The following IGF1R variants were observed in gnomAD, a reference collection of about 807,000 sequenced individuals.
The protein encoded by IGF1R is insulin-like growth factor 1 receptor.
In IGF1R, 44 loss-of-function variants were observed where a neutral mutation model predicts 144.6. The observed-to-expected ratio is 0.30, with a 90% confidence interval of 0.24 to 0.39. The LOEUF (loss-of-function observed/expected upper bound fraction) is 0.39. Ranked by LOEUF, IGF1R falls within the 10% of genes least tolerant of loss-of-function variation. The pLI is 1.00. For synonymous variants in IGF1R, 795 were observed against 722.8 expected, an observed-to-expected ratio of 1.10 and a Z score of -1.60; for missense variants, 1,355 against 1,833.7, an observed-to-expected ratio of 0.74 and a Z score of 4.77.
At chr15:98,686,670 A>ATTTTT (rs201014820) in intron 1 of IGF1R, among the ~76,000 whole-genome samples, 4 of 145,694 alleles carry the variant, frequency 2.7e-5, no homozygotes, top group African/African-American at 5.1e-5. Context: ...GAAGTATTTA[A>ATTTTT]TTTTTTTTTT....
At position 98,929,595 on chromosome 15, in the gene IGF1R, G is replaced by A. The variant is rs2151701437; in HGVS notation, c.2820G>A (p.Leu940=). The A allele has an allele frequency of 1.9e-6, 3 of 1,614,124 alleles. No homozygotes were observed. Among genetic ancestry groups the A allele is most frequent in the Non-Finnish European group, 2.5e-6 (3 of 1,179,994 alleles). ...YENFIHLIIA[L]PVAVLLIVGG... Reference sequence around the variant, plus strand: ...ACTTCATCCATCTGATCATCGCTCTGCCCGTCGCTGTCCTGTTGATCGTGG... The same window carrying A: ...ACTTCATCCATCTGATCATCGCTCTACCCGTCGCTGTCCTGTTGATCGTGG... Residue 940 remains leucine (L), a synonymous_variant, in exon 14 of 21, where the codon CTG becomes CTA. Coordinates refer to ENST00000650285, the MANE Select transcript of IGF1R (RefSeq NM_000875.5).
chr15:98,851,913 G>A (rs1291036765), intron 2 of IGF1R, among the ~76,000 whole-genome samples: 2 of 152,240 alleles, frequency 1.3e-5, no homozygotes, highest in Non-Finnish European at 2.9e-5. Context: ...CAAGGAAAGG[G>A]ACTAACGGGG....
At chr15:98,791,024 C>T (rs949615573) in intron 2 of IGF1R, among the ~76,000 whole-genome samples, 3 of 152,222 alleles carry the variant, frequency 2.0e-5, no homozygotes, top group Admixed American at 1.3e-4. Flanking sequence ...CCTAAGCCTT[C>T]ATTAGATTGA....
intron 1 of IGF1R, among the ~76,000 whole-genome samples, chr15:98,687,872 G>T (rs2053368653): frequency 6.8e-6 from 1 of 147,722 alleles, no homozygotes; most frequent in African/African-American, 2.7e-5. Flanking sequence ...TCCAGTGGAA[G>T]GCCGAAGTTA....
chr15:98,816,964 G>T (rs944857027), intron 2 of IGF1R, among the ~76,000 whole-genome samples: 2 of 152,146 alleles, frequency 1.3e-5, no homozygotes, highest in Non-Finnish European at 2.9e-5. Flanking sequence ...CAAACATTAG[G>T]CAGCTGTGGT....
chr15:98,650,746 T>G, intron 1 of IGF1R: 2 of 278,320 alleles, frequency 7.2e-6, no homozygotes, highest in Non-Finnish European at 1.1e-5. Context: ...GCCCTGGCCT[T>G]GGTTTTGTTG....
chr15:98,725,584 G>T (rs1395187500), intron 2 of IGF1R, among the ~76,000 whole-genome samples: 1 of 152,190 alleles, frequency 6.6e-6, no homozygotes, highest in Non-Finnish European at 1.5e-5. Context: ...GGACCCTGGA[G>T]TGAATAGGGA....
intron 2 of IGF1R, among the ~76,000 whole-genome samples, chr15:98,860,018 C>T (rs2012060155): frequency 6.6e-6 from 1 of 152,130 alleles, no homozygotes; most frequent in African/African-American, 2.4e-5. Flanking sequence ...CGGGTTCAAG[C>T]AATTCTCCTG....
chr15:98,738,413 A>T (rs921426489), intron 2 of IGF1R, among the ~76,000 whole-genome samples: 2 of 152,190 alleles, frequency 1.3e-5, no homozygotes, highest in African/African-American at 4.8e-5. Flanking sequence ...GCTCTTGCCT[A>T]TAATCCAAGT....
chr15:98,840,798 C>G (rs2011160490), intron 2 of IGF1R, among the ~76,000 whole-genome samples: 1 of 152,112 alleles, frequency 6.6e-6, no homozygotes, highest in African/African-American at 2.4e-5. Flanking sequence ...GCCTCAACCT[C>G]CCGAGTAGAC....
intron 2 of IGF1R, among the ~76,000 whole-genome samples, chr15:98,749,832 T>C (rs2054962044): frequency 6.6e-6 from 1 of 151,998 alleles, no homozygotes; most frequent in Non-Finnish European, 1.5e-5. Context: ...ATAACGTTCA[T>C]GGTGCCACCT....
At chr15:98,877,513 T>TTTTTTC (rs773470156) in intron 2 of IGF1R, among the ~76,000 whole-genome samples, 250 of 111,326 alleles carry the variant, frequency 2.2e-3, no homozygotes, top group African/African-American at 4.5e-3. Context: ...TTTTTTTTTT[T>TTTTTTC]CCCCAAAAAA....
chr15:98,884,715 A>G (rs1177827895), intron 2 of IGF1R, among the ~76,000 whole-genome samples: 2 of 148,568 alleles, frequency 1.3e-5, no homozygotes, highest in Non-Finnish European at 3.0e-5. Flanking sequence ...GAAATTCTGT[A>G]CCCTTCCAGA....
chr15:98,935,077 C>G lies in IGF1R; in HGVS notation c.3186+24C>G. On this transcript the variant is annotated intron_variant, in intron 16 of 20. Coordinates refer to ENST00000650285, the MANE Select transcript of IGF1R (RefSeq NM_000875.5). This position sits in a 1 kb window ranked among gnomAD's most constrained non-coding sequence, Gnocchi z 4.2. ...TGGTAAGAGAAAGTTCCTGAAAAGCCAAAATGCAGCACAGGGAGAGGGTAT... is the reference window on the plus strand; with the variant it reads ...TGGTAAGAGAAAGTTCCTGAAAAGCGAAAATGCAGCACAGGGAGAGGGTAT... The G allele has an allele frequency of 1.3e-6, 2 of 1,551,656 alleles. No homozygotes were observed. Among genetic ancestry groups the G allele is most frequent in the Non-Finnish European group, 1.8e-6 (2 of 1,123,460 alleles).
At chr15:98,702,041 T>TTG (rs535048570) in intron 1 of IGF1R, among the ~76,000 whole-genome samples, 62 of 149,132 alleles carry the variant, frequency 4.2e-4, no homozygotes, top group African/African-American at 1.4e-3. Flanking sequence ...CTGTTTTTTT[T>TTG]TTTTTTTTTT....
intron 8 of IGF1R, among the ~76,000 whole-genome samples, chr15:98,913,748 G>T (rs777520728): frequency 2.0e-5 from 3 of 152,226 alleles, no homozygotes; most frequent in Non-Finnish European, 4.4e-5. Context: ...GTAGTATGTT[G>T]TGGATATTCA....
intron 2 of IGF1R, among the ~76,000 whole-genome samples, chr15:98,815,775 A>G (rs1392697819): frequency 6.6e-6 from 1 of 152,138 alleles, no homozygotes; most frequent in African/African-American, 2.4e-5. Context: ...GAACAATGGA[A>G]GTGAGTCTTA....
At chr15:98,864,947 C>T (rs1403384558) in intron 2 of IGF1R, among the ~76,000 whole-genome samples, 1 of 152,110 alleles carries the variant, frequency 6.6e-6, no homozygotes, top group Non-Finnish European at 1.5e-5. Flanking sequence ...TTCCTGTGGC[C>T]CTCGTTTTTC....
At chr15:98,770,048 G>A (rs541016925) in intron 2 of IGF1R, among the ~76,000 whole-genome samples, 1 of 152,128 alleles carries the variant, frequency 6.6e-6, no homozygotes. Context: ...TCAACAGTCA[G>A]CACTTGCTGC....
Sources: allele counts gnomAD v4.1 joint callset (sites outside exome capture counted in the v4.1 genomes callset), GRCh38; gene constraint gnomAD v4.1.1; non-coding constraint Gnocchi (gnomAD v3.1); transcripts MANE v1.5; gene names NCBI Gene and HGNC (gene_info 2026-07-23, HGNC 2026-07-21).